Variants in RUNX1 observed in about 807,000 individuals in gnomAD.
RUNX1 encodes the protein RUNX family transcription factor 1.
Under a neutral mutation model 42.8 loss-of-function variants are expected in RUNX1, and 19 were observed. The ratio of observed to expected loss-of-function variants is 0.44; its 90% CI spans 0.31 to 0.65. RUNX1 has a LOEUF of 0.65. Among genes scored for constraint, RUNX1 ranks in the 30% least tolerant of loss-of-function variants. RUNX1 has a pLI of 0.07. For synonymous variants in RUNX1, 271 were observed against 289.4 expected (o/e 0.94, Z 0.64); for missense variants, 528 against 672.0 (o/e 0.79, Z 2.37).
chr21:35,031,327 A>G (rs2059271493), intron 2 of RUNX1, among the ~76,000 whole-genome samples: 1 of 152,152 alleles, frequency 6.6e-6, no homozygotes, highest in Non-Finnish European at 1.5e-5. Context: ...CAGCCTGGGC[A>G]ACAAGAACGA....
At chr21:35,008,009 C>T (rs1465395142) in intron 2 of RUNX1, among the ~76,000 whole-genome samples, 1 of 152,144 alleles carries the variant, frequency 6.6e-6, no homozygotes, top group African/African-American at 2.4e-5. Context: ...CCACGGCCAC[C>T]ACCCCTGGGC....
chr21:34,939,535 G>T (rs2058511104), intron 2 of RUNX1, among the ~76,000 whole-genome samples: 1 of 152,208 alleles, frequency 6.6e-6, no homozygotes, highest in Admixed American at 6.5e-5. Context: ...ATATCAGAAT[G>T]AGAGAAGAAA....
intron 2 of RUNX1, among the ~76,000 whole-genome samples, chr21:35,031,374 A>G (rs778711665): frequency 3.0e-4 from 46 of 152,202 alleles, no homozygotes; most frequent in Non-Finnish European, 6.6e-4. Flanking sequence ...TCAAGAGATA[A>G]CAAGTATTGG....
intron 4 of RUNX1, among the ~76,000 whole-genome samples, chr21:34,882,903 C>T (rs1241290877): frequency 1.3e-5 from 2 of 152,210 alleles, no homozygotes; most frequent in Admixed American, 1.3e-4. Flanking sequence ...ACTCAACATT[C>T]AGCAGGTATA....
chr21:35,007,302 T>C (rs936048702), intron 2 of RUNX1, among the ~76,000 whole-genome samples: 2 of 152,178 alleles, frequency 1.3e-5, no homozygotes, highest in African/African-American at 2.4e-5. Flanking sequence ...TTGAGCCCCA[T>C]GGGCAGTGGA....
intron 7 of RUNX1, among the ~76,000 whole-genome samples, chr21:34,814,666 A>C (rs901013295): frequency 3.9e-5 from 6 of 152,190 alleles, no homozygotes; most frequent in African/African-American, 1.4e-4. Flanking sequence ...AAACTTTTGA[A>C]GGATTTGAGC....
chr21:34,792,189 G>T lies in RUNX1; in HGVS notation c.1389C>A (p.Pro463=), dbSNP rs61750222. ...GGCGCGCGGAGGGCGCCATGTTGGT[G>T]GGGGAGTTGCTGTGGCTGCCCTCGG... The part of the protein sequence containing the change: ...VEAEGSHSNS[P]TNMAPSARLE... Residue 463 remains proline, a synonymous_variant, in exon 9 of 9, where the codon CCC becomes CCA. Transcript: ENST00000675419. This position sits in a 1 kb window ranked among gnomAD's most constrained non-coding sequence, Gnocchi z 6.9. The T allele has an allele frequency of 1.3e-6, 2 of 1,536,538 alleles. No homozygotes were observed. The highest frequency in any genetic ancestry group is 1.2e-5 in the South Asian group (1 of 83,484).
intron 2 of RUNX1, among the ~76,000 whole-genome samples, chr21:34,990,623 T>C (rs118147034): frequency 2.0e-5 from 3 of 151,840 alleles, no homozygotes; most frequent in African/African-American, 7.3e-5. Flanking sequence ...CATTAACGGA[T>C]ATAATGTTGG....
chr21:34,875,422 T>C (rs1176276180), intron 5 of RUNX1, among the ~76,000 whole-genome samples: 1 of 152,240 alleles, frequency 6.6e-6, no homozygotes, highest in East Asian at 1.9e-4. Context: ...TCTTTATTCA[T>C]CTATATTTGC....
chr21:35,009,984 G>GA (rs2059113917), intron 2 of RUNX1, among the ~76,000 whole-genome samples: 1 of 152,172 alleles, frequency 6.6e-6, no homozygotes, highest in Non-Finnish European at 1.5e-5. Flanking sequence ...TCACACGCTG[G>GA]TATAACTAGG....
chr21:34,952,242 G>T (rs901876099), intron 2 of RUNX1, among the ~76,000 whole-genome samples: 1 of 152,072 alleles, frequency 6.6e-6, no homozygotes. Flanking sequence ...GGGGGTCTAG[G>T]GGATGAATAG....
At chr21:34,816,205 T>C (rs1176981348) in intron 7 of RUNX1, among the ~76,000 whole-genome samples, 1 of 152,212 alleles carries the variant, frequency 6.6e-6, no homozygotes, top group Non-Finnish European at 1.5e-5. Context: ...CAGTTTTGAC[T>C]TGCTGTCCCA....
intron 2 of RUNX1, among the ~76,000 whole-genome samples, chr21:34,964,027 T>A (rs1431294211): frequency 6.6e-6 from 1 of 152,214 alleles, no homozygotes; most frequent in African/African-American, 2.4e-5. Context: ...TTTACCCCTG[T>A]ACTCACAGAA....
chr21:35,031,336 G>A (rs2059271628), intron 2 of RUNX1, among the ~76,000 whole-genome samples: 1 of 152,044 alleles, frequency 6.6e-6, no homozygotes, highest in African/African-American at 2.4e-5. Flanking sequence ...CAACAAGAAC[G>A]AAACTCCGTC....
At chr21:35,042,205 C>A (rs1040309898) in intron 2 of RUNX1, among the ~76,000 whole-genome samples, 1 of 152,190 alleles carries the variant, frequency 6.6e-6, no homozygotes, top group Non-Finnish European at 1.5e-5. Flanking sequence ...CTAGCCCCTT[C>A]CCCCACCTCA....
intron 2 of RUNX1, among the ~76,000 whole-genome samples, chr21:34,931,581 A>G (rs972551892): frequency 9.4e-5 from 11 of 116,578 alleles, no homozygotes; most frequent in Non-Finnish European, 3.2e-5. Flanking sequence ...ATGCGCCTAA[A>G]TAGACTGTGG....
intron 7 of RUNX1, among the ~76,000 whole-genome samples, chr21:34,816,315 C>T (rs1284512916): frequency 1.3e-5 from 2 of 152,084 alleles, no homozygotes; most frequent in African/African-American, 4.8e-5. Context: ...GCGTTCCTGC[C>T]CACCTGGAAG....
intron 3 of RUNX1, chr21:34,888,462 C>T: frequency 1.9e-6 from 2 of 1,066,768 alleles, no homozygotes; most frequent in Non-Finnish European, 2.3e-6. Flanking sequence ...TGAAAACATC[C>T]AGCCAAGAAG....
chr21:34,903,461 G>C (rs1300087924), intron 2 of RUNX1, among the ~76,000 whole-genome samples: 1 of 151,994 alleles, frequency 6.6e-6, no homozygotes, highest in Admixed American at 6.6e-5. Context: ...AGACTATAGA[G>C]AAATTTCCCA....
Sources: gnomAD v4.1 joint callset for allele counts (sites outside exome capture counted in the v4.1 genomes callset) on GRCh38, gnomAD v4.1.1 for gene constraint, Gnocchi (gnomAD v3.1) non-coding constraint, MANE v1.5 for transcripts, NCBI Gene and HGNC (gene_info 2026-07-23, HGNC 2026-07-21) for gene names.